Variants in RPL29 observed in about 807,000 individuals in gnomAD.
RPL29 encodes the protein ribosomal protein L29, also known as large ribosomal subunit protein eL29.
RPL29 carries 4 observed loss-of-function variants against 7.2 expected under a neutral mutation model. That is an observed-to-expected ratio of 0.55 (90% confidence interval 0.27 to 1.26). RPL29 has a LOEUF of 1.26. RPL29 is among the 50% of genes most tolerant of loss of function. The pLI is 0.11. For missense variants in RPL29, 148 were observed against 209.1 expected (o/e 0.71, Z 1.80); for synonymous variants, 73 against 72.8 (o/e 1.00, Z -0.01).
chr3:51,993,716 C>T lies in RPL29; in HGVS notation c.*33G>A, dbSNP rs746485641. ...CCAGGGGCGGGGGTGGGGGGTCGCA[C>T]CAGTCCTTCTGTCCTCATGTTGGCA... On this transcript the variant is annotated 3_prime_UTR_variant, in exon 4 of 4. Transcript: ENST00000294189. 6.5e-7 allele frequency: 1 copy of T among 1,544,390 alleles called. No homozygotes were observed. The highest frequency in any genetic ancestry group is 1.8e-5 in the Admixed American group (1 of 54,188).
intron 1 of RPL29, 164 bp downstream of exon 1, chr3:51,995,693 G>A: frequency 3.5e-6 from 2 of 569,136 alleles, no homozygotes; most frequent in Non-Finnish European, 6.3e-6. Context: ...CAATAAAGTG[G>A]CTTTCCCTGC....
chr3:51,994,360 C>G (rs1271397596), intron 3 of RPL29: 3 of 519,268 alleles, frequency 5.8e-6, no homozygotes, highest in Non-Finnish European at 6.6e-6. Flanking sequence ...TTACAAGCTG[C>G]TTTGCTGCCC....
At chr3:51,994,809 C>A (rs1263607277) in intron 3 of RPL29, 1 of 704,374 alleles carries the variant, frequency 1.4e-6, no homozygotes, top group Admixed American at 2.0e-5. Context: ...GATAGCCAAA[C>A]TGCCCTCAGG....
chr3:51,993,823 GGGCCTTGGTTTGATCCTT>G lies in RPL29; in HGVS notation c.388_405del (p.Lys130_Ala135del). 4 of 1,594,244 alleles carry G rather than the reference GGGCCTTGGTTTGATCCTT, an allele frequency of 2.5e-6. No individual in the cohort carries two copies. The highest frequency in any genetic ancestry group is 3.4e-6 in the Non-Finnish European group (4 of 1,179,042). Reference sequence around the variant, plus strand: ...GGAACTGAAGCTGGGGCTGCAGCCTGGGCCTTGGTTTGATCCTTGGCCTTGGCCTTGGCCTTGGCCTTT... The same window carrying G: ...GGAACTGAAGCTGGGGCTGCAGCCTGGGCCTTGGCCTTGGCCTTGGCCTTT... On this transcript the variant is annotated inframe_deletion, in exon 4 of 4. Transcript: ENST00000294189.
chr3:51,995,713 C>T, intron 1 of RPL29, 144 bp downstream of exon 1: 3 of 545,348 alleles, frequency 5.5e-6, no homozygotes, highest in South Asian at 2.1e-5. Flanking sequence ...CCATCCCCCT[C>T]CTAGGACCTA....
At chr3:51,994,960 G>A (rs953138246) in intron 3 of RPL29, 82 bp downstream of exon 3, 4 of 1,267,692 alleles carry the variant, frequency 3.2e-6, no homozygotes, top group Non-Finnish European at 4.6e-6. Flanking sequence ...AGAAGCCAAA[G>A]CTAGAGAAAA....
Position 51,995,860 on chromosome 3 carries a change from A to C in RPL29, c.-12T>G. On this transcript the variant is annotated 5_prime_UTR_variant, in exon 1 of 4. Transcript: ENST00000294189. ...ATGCCGCGCGGCCAACACTCACCAT[A>C]AGCCGCGGCTCCCGAAGCGCCTAGA... The C allele has an allele frequency of 8.5e-6, 2 of 235,440 alleles. No homozygotes were observed. The highest frequency in any genetic ancestry group is 8.5e-6 in the Non-Finnish European group (1 of 117,270). The allele number at this position is 235,440 out of a possible 1,614,324, so 14.6% of individuals were successfully genotyped here. A position where few individuals can be genotyped will look rare whatever the true frequency, so the allele number is the denominator to read the frequency against.
In RPL29 at chr3:51,993,718, A is replaced by G. The variant is rs770447468; in HGVS notation, c.*31T>C. The stretch of plus-strand genomic sequence containing the variant: ...AGGGGCGGGGGTGGGGGGTCGCACC[A>G]GTCCTTCTGTCCTCATGTTGGCAGA... On this transcript the variant is annotated 3_prime_UTR_variant, in exon 4 of 4. Coordinates refer to ENST00000294189, the MANE Select transcript of RPL29 (RefSeq NM_000992.3). 6.5e-7 allele frequency: 1 copy of G among 1,546,402 alleles called. No individual in the cohort carries two copies.
Position 51,993,883 on chromosome 3 carries a change from G to A in RPL29, c.346C>T (p.Leu116Phe). The A allele has an allele frequency of 1.3e-6, 2 of 1,596,468 alleles. No homozygotes were observed. Among genetic ancestry groups the A allele is most frequent in the South Asian group, 1.1e-5 (1 of 90,994 alleles). ...TTGGCCTTTGGCCGGCACAGCCTGA[G>A]CCCCTTGGCAATACGGGCACGAGCA... ...KRARARIAKGLRLCRPKAKAK... is the reference protein window; with the variant it reads ...KRARARIAKGFRLCRPKAKAK... The change falls in exon 4 of 4, where the codon CTC (leucine) becomes TTC (phenylalanine). Residue 116 changes from leucine to phenylalanine, a missense_variant. Transcript: ENST00000294189.
Position 51,993,672 on chromosome 3 carries a change from G to C in RPL29, c.*77C>G, listed in dbSNP as rs1701275724. On this transcript the variant is annotated 3_prime_UTR_variant, in exon 4 of 4. Transcript: ENST00000294189. ...GTACAAATAGCACAGGAGGACCCCA[G>C]CCCCATGCAGATGGTAGCCCAGGGG... The C allele has an allele frequency of 6.4e-6, 9 of 1,401,116 alleles. No individual in the cohort carries two copies. Among genetic ancestry groups the C allele is most frequent in the Non-Finnish European group, 8.7e-6 (9 of 1,038,550 alleles). 86.8% of individuals were successfully genotyped at this position (1,401,116 alleles called of 1,614,324 possible). A position where few individuals can be genotyped will look rare whatever the true frequency, so the allele number is the denominator to read the frequency against.
rs937636638 is a variant in RPL29, at chr3:51,993,685, G to A, written c.*64C>T. The stretch of plus-strand genomic sequence containing the variant: ...AGGAGGACCCCAGCCCCATGCAGAT[G>A]GTAGCCCAGGGGCGGGGGTGGGGGG... On this transcript the variant is annotated 3_prime_UTR_variant, in exon 4 of 4. Transcript: ENST00000294189. 18 of 1,480,826 alleles carry A rather than the reference G, an allele frequency of 1.2e-5. No homozygotes were observed. In the Admixed American group the frequency reaches 3.6e-4, roughly 29 times the overall value. 91.7% of individuals were successfully genotyped at this position (1,480,826 alleles called of 1,614,324 possible).
At chr3:51,994,158 T>A in intron 3 of RPL29, 32 bp from the exon 4 acceptor site, 1 of 1,560,838 alleles carries the variant, frequency 6.4e-7, no homozygotes, top group Non-Finnish European at 8.7e-7. Context: ...GGTGGCAGCA[T>A]GTGGGTCCCC....
rs1456195048 is a variant in RPL29, at chr3:51,995,101, T to C, written c.43A>G (p.Lys15Glu). ...KNHTTHNQSR[K>E]WHRNGIKKPR... is the part of the protein sequence containing the mutation. ...TTCTTGATACCATTTCTGTGCCATT[T>C]TCGGGCTGTGGGAGAAAAAAAGGGA... is the stretch of plus-strand genomic sequence containing the variant. The change falls in exon 3 of 4, where the codon AAA (lysine) becomes GAA (glutamate). Residue 15 changes from lysine to glutamate, a missense_variant. Lys to Glu is a moderately conservative substitution (Grantham distance 56). Transcript: ENST00000294189. The C allele has an allele frequency of 6.2e-7, 1 of 1,604,696 alleles. No homozygotes were observed. Among genetic ancestry groups the C allele is most frequent in the African/African-American group, 1.3e-5 (1 of 74,688 alleles).
intron 2 of RPL29, 82 bp downstream of exon 2, chr3:51,995,343 C>T (rs1249741050): frequency 1.4e-6 from 2 of 1,457,812 alleles, no homozygotes; most frequent in Non-Finnish European, 9.6e-7. Flanking sequence ...ACAATGGAAA[C>T]GTGCCCCTTC....
In RPL29 at chr3:51,995,071, G is replaced by A. The variant is rs1701297250; in HGVS notation, c.73C>T (p.Arg25Ter). The change falls in exon 3 of 4, where the codon CGA (arginine) becomes TGA (stop). Residue 25 changes from arginine (R) to a stop codon, truncating the protein, a stop_gained. Transcript: ENST00000294189. LOFTEE classifies it low-confidence loss of function (END_TRUNC). Reference protein sequence around the residue: ...KWHRNGIKKPRSQRYESLKGV... With the variant: ...KWHRNGIKKP ...TTAAGAGATTCGTATCTTTGTGATC[G>A]GGGTTTCTTGATACCATTTCTGTGC... is the stretch of plus-strand genomic sequence containing the variant. 3 of 1,611,878 alleles carry A rather than the reference G, an allele frequency of 1.9e-6. No individual in the cohort carries two copies. The highest frequency in any genetic ancestry group is 2.5e-6 in the Non-Finnish European group (3 of 1,179,260).
At position 51,995,871 on chromosome 3, in the gene RPL29, C is replaced by G. The variant is rs1035086748; in HGVS notation, c.-23G>C. ...CCAACACTCACCATAAGCCGCGGCT[C>G]CCGAAGCGCCTAGAACCGGAAGAGA... is the stretch of plus-strand genomic sequence containing the variant. On this transcript the variant is annotated 5_prime_UTR_variant, in exon 1 of 4. Coordinates refer to ENST00000294189, the MANE Select transcript of RPL29 (RefSeq NM_000992.3). 3 of 225,940 alleles carry G rather than the reference C, an allele frequency of 1.3e-5. No individual in the cohort carries two copies. Among genetic ancestry groups the G allele is most frequent in the Non-Finnish European group, 2.7e-5 (3 of 111,584 alleles). 14.0% of individuals were successfully genotyped at this position (225,940 alleles called of 1,614,324 possible).
In RPL29 at chr3:51,993,785, G is replaced by A. The variant is rs755326696; in HGVS notation, c.444C>T (p.Pro148=). The A allele has an allele frequency of 9.4e-6, 15 of 1,596,050 alleles. No individual in the cohort carries two copies. Among genetic ancestry groups the A allele is most frequent in the Non-Finnish European group, 1.3e-5 (15 of 1,179,540 alleles). Residue 148 remains proline, a synonymous_variant, in exon 4 of 4, where the codon CCC becomes CCT. Transcript: ENST00000294189. ...AAPASVPAQA[P]KRTQAPTKAS... is the part of the protein sequence containing the mutation. ...CCTTTGTAGGGGCCTGGGTACGTTTGGGAGCCTGAGCTGGAACTGAAGCTG... is the reference window on the plus strand; with the variant it reads ...CCTTTGTAGGGGCCTGGGTACGTTTAGGAGCCTGAGCTGGAACTGAAGCTG...
chr3:51,995,651 T>A (rs1292522395), intron 1 of RPL29, 182 bp from the exon 2 acceptor site: 1 of 622,850 alleles, frequency 1.6e-6, no homozygotes, highest in Non-Finnish European at 2.9e-6. Context: ...TGCCCTGAAA[T>A]CAACTCCTTA....
At chr3:51,994,743 T>C (rs1037699679) in intron 3 of RPL29, 2 of 689,118 alleles carry the variant, frequency 2.9e-6, no homozygotes, top group Admixed American at 4.1e-5. Context: ...GAATGTGCCC[T>C]GCACGCACTC....
Sources: gnomAD v4.1 joint callset for allele counts on GRCh38, gnomAD v4.1.1 for gene constraint, MANE v1.5 for transcripts, NCBI Gene and HGNC (gene_info 2026-07-23, HGNC 2026-07-21) for gene names.